ANGPT1: variants seen among roughly 807,000 people sequenced by gnomAD.
The protein encoded by ANGPT1 is angiopoietin 1, also known as angiopoietin-1.
ANGPT1 carries 17 observed loss-of-function variants against 62.2 expected under a neutral mutation model. The ratio of observed to expected loss-of-function variants is 0.27; its 90% CI spans 0.19 to 0.41. ANGPT1 has a LOEUF of 0.41. ANGPT1 is among the 10% of genes least tolerant of loss of function. ANGPT1 has a pLI of 1.00. For synonymous variants in ANGPT1, 199 were observed against 198.9 expected (o/e 1.00, Z 0.00); for missense variants, 478 against 594.9 (o/e 0.80, Z 2.04).
intron 1 of ANGPT1, among the ~76,000 whole-genome samples, chr8:107,395,179 T>G (rs1563603364): frequency 6.6e-6 from 1 of 152,158 alleles, no homozygotes; most frequent in Non-Finnish European, 1.5e-5. Flanking sequence ...CATTGAGTAC[T>G]TACAAACTCT....
At chr8:107,395,835 A>T (rs1816923917) in intron 1 of ANGPT1, among the ~76,000 whole-genome samples, 1 of 152,188 alleles carries the variant, frequency 6.6e-6, no homozygotes, top group Admixed American at 6.5e-5. Flanking sequence ...AGAAAAAGAT[A>T]GGATGTACTT....
intron 1 of ANGPT1, among the ~76,000 whole-genome samples, chr8:107,479,815 A>G (rs1812628238): frequency 6.6e-6 from 1 of 152,194 alleles, no homozygotes; most frequent in South Asian, 2.1e-4. Flanking sequence ...TGGAATTCAG[A>G]GTGTGGATGG....
intron 1 of ANGPT1, among the ~76,000 whole-genome samples, chr8:107,374,971 C>A (rs1816498808): frequency 6.6e-6 from 1 of 152,098 alleles, no homozygotes; most frequent in Non-Finnish European, 1.5e-5. Flanking sequence ...ACCAGCCTGG[C>A]CAACATGGTG....
At position 107,260,171 on chromosome 8, in the gene ANGPT1, C is replaced by T. The variant is rs567614743; in HGVS notation, c.1336+4050G>A. Among the ~76,000 whole-genome samples the T allele has an allele frequency of 2.6e-5, 4 of 152,168 alleles. No individual in the cohort carries two copies. In the South Asian group the frequency reaches 8.3e-4, roughly 32 times the overall value. On this transcript the variant is annotated intron_variant, in intron 8 of 8. Coordinates refer to ENST00000517746, the MANE Select transcript of ANGPT1 (RefSeq NM_001146.5). ...TTGGGTCTAGCTGAAATACCTTCTG[C>T]TTTCAGTTAAGCCTATTTCCTGCCA...
intron 2 of ANGPT1, among the ~76,000 whole-genome samples, chr8:107,338,511 A>AT: frequency 6.6e-6 from 1 of 152,234 alleles, no homozygotes; most frequent in Non-Finnish European, 1.5e-5. Flanking sequence ...TATACTCTAA[A>AT]AAAGTTTAAA....
intron 3 of ANGPT1, among the ~76,000 whole-genome samples, chr8:107,325,225 T>C (rs1449551413): frequency 2.0e-5 from 3 of 152,238 alleles, no homozygotes; most frequent in African/African-American, 7.2e-5. Context: ...ATCTTCTCTG[T>C]GCCCATTAAT....
intron 1 of ANGPT1, among the ~76,000 whole-genome samples, chr8:107,391,376 C>A (rs1816832009): frequency 6.6e-6 from 1 of 152,126 alleles, no homozygotes; most frequent in Admixed American, 6.5e-5. Context: ...ATTATACATT[C>A]ATGTGTTGGG....
At chr8:107,420,040 A>C (rs954301198) in intron 1 of ANGPT1, among the ~76,000 whole-genome samples, 1 of 152,200 alleles carries the variant, frequency 6.6e-6, no homozygotes, top group South Asian at 2.1e-4. Flanking sequence ...CAGGATTTCA[A>C]CTAGGGTTTC....
intron 2 of ANGPT1, among the ~76,000 whole-genome samples, chr8:107,341,016 T>C (rs992318397): frequency 2.0e-5 from 3 of 152,200 alleles, no homozygotes; most frequent in African/African-American, 7.2e-5. Context: ...ACTTGGTTAA[T>C]AATGGACAAT....
At chr8:107,372,528 T>C (rs1476111233) in intron 1 of ANGPT1, among the ~76,000 whole-genome samples, 2 of 152,134 alleles carry the variant, frequency 1.3e-5, no homozygotes, top group African/African-American at 4.8e-5. Flanking sequence ...TGTTTAACTC[T>C]ATTATTTAAC....
chr8:107,495,840 T>C (rs1374089445), intron 1 of ANGPT1, among the ~76,000 whole-genome samples: 1 of 152,182 alleles, frequency 6.6e-6, no homozygotes, highest in Non-Finnish European at 1.5e-5. Flanking sequence ...ACCTGAGAGT[T>C]CTGTTTGCTT....
At chr8:107,474,218 A>ACC (rs397743006) in intron 1 of ANGPT1, among the ~76,000 whole-genome samples, 2 of 151,490 alleles carry the variant, frequency 1.3e-5, no homozygotes, top group Non-Finnish European at 2.9e-5. Context: ...ATCCAGCAAC[A>ACC]TCAAAAAGCT....
At chr8:107,472,660 C>A (rs899620892) in intron 1 of ANGPT1, among the ~76,000 whole-genome samples, 1 of 151,916 alleles carries the variant, frequency 6.6e-6, no homozygotes, top group African/African-American at 2.4e-5. Flanking sequence ...TAGGAGGAAA[C>A]CATTATTATT....
At chr8:107,364,835 T>C (rs968449466) in intron 1 of ANGPT1, among the ~76,000 whole-genome samples, 60 of 152,222 alleles carry the variant, frequency 3.9e-4, no homozygotes, top group African/African-American at 1.4e-3. Flanking sequence ...CAATGATGAA[T>C]AGACCACAAA....
In ANGPT1 at chr8:107,361,393, CAG is replaced by C. The variant is rs1341224082; in HGVS notation, c.298-14298_298-14297del. Among the ~76,000 whole-genome samples, 141 of 148,872 alleles carry C rather than the reference CAG, an allele frequency of 9.5e-4. 2 individuals carry two copies. Among genetic ancestry groups the C allele is most frequent in the Admixed American group, 2.1e-3 (31 of 14,808 alleles). ...CAAAGTTATGCTTAAAGAAAATTTGCAGATATATATATATTTGTATAGAATCT... is the reference window on the plus strand; with the variant it reads ...CAAAGTTATGCTTAAAGAAAATTTGCATATATATATATTTGTATAGAATCT... On this transcript the variant is annotated intron_variant, in intron 1 of 8. Coordinates refer to ENST00000517746, the MANE Select transcript of ANGPT1 (RefSeq NM_001146.5).
In ANGPT1 at chr8:107,414,292, A is replaced by G. The variant is rs58563252; in HGVS notation, c.298-67195T>C. On this transcript the variant is annotated intron_variant, in intron 1 of 8. Transcript: ENST00000517746. The stretch of plus-strand genomic sequence containing the variant: ...AAAAGTAGGCTAGCTACAATGCATT[A>G]TTATGTATTGTATATTTCAAAATAG... Among the ~76,000 whole-genome samples, 1,279 of 152,264 alleles carry G rather than the reference A, an allele frequency of 8.4e-3. 13 individuals carry two copies. The highest frequency in any genetic ancestry group is 0.025 in the African/African-American group (1,025 of 41,550).
intron 3 of ANGPT1, among the ~76,000 whole-genome samples, chr8:107,325,190 C>T (rs897341880): frequency 2.0e-5 from 3 of 152,180 alleles, no homozygotes; most frequent in African/African-American, 7.2e-5. Flanking sequence ...TTTCATCCCA[C>T]CTACTGGGGT....
At chr8:107,490,696 A>G (rs1161240952) in intron 1 of ANGPT1, among the ~76,000 whole-genome samples, 2 of 152,228 alleles carry the variant, frequency 1.3e-5, no homozygotes, top group African/African-American at 4.8e-5. Context: ...AGGGCTGGAT[A>G]TTAAGTATTT....
intron 1 of ANGPT1, among the ~76,000 whole-genome samples, chr8:107,417,057 A>G (rs574651613): frequency 3.4e-4 from 52 of 152,148 alleles, no homozygotes; most frequent in South Asian, 2.5e-3. Flanking sequence ...CCAAAGTGTG[A>G]GGATTACAGG....
Sources: allele counts gnomAD v4.1 joint callset (sites outside exome capture counted in the v4.1 genomes callset), GRCh38; gene constraint gnomAD v4.1.1; transcripts MANE v1.5; gene names NCBI Gene and HGNC (gene_info 2026-07-23, HGNC 2026-07-21).